Variants in RMST observed in about 807,000 individuals in gnomAD.
RMST encodes the protein long intergenic non-protein coding RNA 54.
rs182061742 is a variant in RMST at position 97,527,342 on chromosome 12, C to A, written n.1341-3313C>A. Among the ~76,000 whole-genome samples, 19 of 152,250 alleles carry A rather than the reference C, an allele frequency of 1.2e-4. No homozygotes were observed. The East Asian group carries it at 3.7e-3, about 29-fold the overall frequency. On this transcript the variant is annotated intron_variant and non_coding_transcript_variant, in intron 10 of 13. Coordinates refer to ENST00000640149, the Ensembl canonical transcript of RMST. Reference sequence around the variant, plus strand: ...GCTTCAACCGTTAAAACATTCCACACCTGTACATTGCATGTATACCTTCAA... The same window carrying A: ...GCTTCAACCGTTAAAACATTCCACAACTGTACATTGCATGTATACCTTCAA...
At chr12:97,512,327 AT>A (rs1440111807) in intron 10 of RMST, among the ~76,000 whole-genome samples, 1 of 152,136 alleles carries the variant, frequency 6.6e-6, no homozygotes, top group Non-Finnish European at 1.5e-5. Context: ...AGCAAGATTT[AT>A]TGCAAAGAGA....
At chr12:97,486,762 A>G (rs1190154572) in intron 5 of RMST, among the ~76,000 whole-genome samples, 2 of 152,230 alleles carry the variant, frequency 1.3e-5, no homozygotes, top group African/African-American at 4.8e-5. Flanking sequence ...GGTCCCAGAA[A>G]TGATCATTCT....
intron 10 of RMST, among the ~76,000 whole-genome samples, chr12:97,510,506 G>T (rs1036559605): frequency 6.6e-6 from 1 of 152,188 alleles, no homozygotes; most frequent in African/African-American, 2.4e-5. Flanking sequence ...AAATTTTCAT[G>T]ATAGTTTAAA....
chr12:97,485,909 ATCAGCCAACAAG>A (rs1235758238), intron 5 of RMST, among the ~76,000 whole-genome samples: 2 of 152,244 alleles, frequency 1.3e-5, no homozygotes, highest in Non-Finnish European at 2.9e-5. Flanking sequence ...AGCAGGTAAT[ATCAGCCAACAAG>A]TCAGAGATCC....
intron 5 of RMST, among the ~76,000 whole-genome samples, chr12:97,477,175 CAG>C (rs1874651650): frequency 6.6e-6 from 1 of 152,070 alleles, no homozygotes; most frequent in Non-Finnish European, 1.5e-5. Flanking sequence ...GTGCATGGGG[CAG>C]AGTCAGGTGC....
At chr12:97,491,634 T>A (rs578043965) in intron 5 of RMST, 9 of 218,854 alleles carry the variant, frequency 4.1e-5, no homozygotes, top group South Asian at 6.8e-5. Context: ...GCCACCATTG[T>A]CTTGTTTAGG....
In RMST at chr12:97,512,542, T is replaced by A. The variant is rs149807508; in HGVS notation, n.1340+16486T>A. 4.6e-3 allele frequency among the ~76,000 whole-genome samples: 694 copies of A among 152,272 alleles called. 3 individuals are homozygous for A. The highest frequency in any genetic ancestry group is 0.017 in the South Asian group (83 of 4,820). ...AAGGTTCTCCACGTCCCCACCAGAT[T>A]AGCTAGATACAGAGTGTTGATTGGT... On this transcript the variant is annotated intron_variant and non_coding_transcript_variant, in intron 10 of 13. Transcript: ENST00000640149.
At chr12:97,533,295 C>A (rs1881819717) in intron 11 of RMST, 1 of 151,840 alleles carries the variant, frequency 6.6e-6, no homozygotes, top group African/African-American at 2.4e-5. Context: ...ACAATGACAT[C>A]TCTATTCTAG....
At chr12:97,485,501 C>T (rs1296678247) in intron 5 of RMST, among the ~76,000 whole-genome samples, 1 of 152,156 alleles carries the variant, frequency 6.6e-6, no homozygotes, top group East Asian at 1.9e-4. Flanking sequence ...CAGATTTCCT[C>T]TAGATTTCTG....
chr12:97,553,949 CTTTTTTTT>C (rs756008010), intron 11 of RMST, among the ~76,000 whole-genome samples: 63 of 120,266 alleles, frequency 5.2e-4, no homozygotes, highest in African/African-American at 2.0e-3. Flanking sequence ...TTTTCTTTCT[CTTTTTTTT>C]TTTTTTTTTT....
chr12:97,560,035 T>C, intron 11 of RMST, among the ~76,000 whole-genome samples: 1 of 152,182 alleles, frequency 6.6e-6, no homozygotes, highest in East Asian at 1.9e-4. Flanking sequence ...TCGTTGTCTT[T>C]ATTTATGGTT....
At chr12:97,494,490 C>T (rs1877196764) in intron 8 of RMST, among the ~76,000 whole-genome samples, 1 of 152,116 alleles carries the variant, frequency 6.6e-6, no homozygotes, top group South Asian at 2.1e-4. Context: ...TTTGAGGCTG[C>T]AGTGAGCTAT....
intron 5 of RMST, among the ~76,000 whole-genome samples, chr12:97,478,018 G>A (rs1445640137): frequency 1.3e-5 from 2 of 152,156 alleles, no homozygotes; most frequent in East Asian, 3.9e-4. Flanking sequence ...AGCAGAAACA[G>A]AAATGAATTA....
At chr12:97,562,065 C>G (rs1471418327) in intron 13 of RMST, among the ~76,000 whole-genome samples, 1 of 152,082 alleles carries the variant, frequency 6.6e-6, no homozygotes, top group African/African-American at 2.4e-5. Context: ...CAAGTTCTCT[C>G]CTGAGTCTCT....
At chr12:97,559,112 C>A (rs180987381) in intron 11 of RMST, among the ~76,000 whole-genome samples, 1 of 151,938 alleles carries the variant, frequency 6.6e-6, no homozygotes, top group Non-Finnish European at 1.5e-5. Flanking sequence ...CTCTCTCTCT[C>A]TCTCTCTGAT....
chr12:97,531,084 G>A (rs1018885414), intron 11 of RMST, among the ~76,000 whole-genome samples: 9 of 146,616 alleles, frequency 6.1e-5, no homozygotes, highest in African/African-American at 1.5e-4. Flanking sequence ...GGAATATAAA[G>A]CAATATTTTC....
At chr12:97,518,811 G>A (rs1880204005) in intron 10 of RMST, among the ~76,000 whole-genome samples, 1 of 151,946 alleles carries the variant, frequency 6.6e-6, no homozygotes, top group South Asian at 2.1e-4. Flanking sequence ...TCTGTTTGTT[G>A]TCCAGGCTGG....
chr12:97,504,445 T>C (rs1043501469), intron 10 of RMST, among the ~76,000 whole-genome samples: 12 of 151,812 alleles, frequency 7.9e-5, no homozygotes, highest in East Asian at 7.7e-4. Flanking sequence ...ATGCACAAAC[T>C]TTAATGAATA....
chr12:97,471,508 C>T, intron 5 of RMST, among the ~76,000 whole-genome samples: 1 of 152,122 alleles, frequency 6.6e-6, no homozygotes, highest in East Asian at 1.9e-4. Context: ...GTAGTAGTAG[C>T]TGAACAGCCC....
Sources: gnomAD v4.1 joint callset for allele counts (sites outside exome capture counted in the v4.1 genomes callset) on GRCh38, gnomAD v4.1.1 for gene constraint, MANE v1.5 for transcripts, NCBI Gene and HGNC (gene_info 2026-07-23, HGNC 2026-07-21) for gene names.